Variants in CCDC43 observed in about 807,000 individuals in gnomAD.
CCDC43 encodes coiled-coil domain-containing protein 43.
In CCDC43, 20 loss-of-function variants were observed where a neutral mutation model predicts 33.3. The ratio of observed to expected loss-of-function variants is 0.60; its 90% confidence interval spans 0.42 to 0.87. The LOEUF (loss-of-function observed/expected upper bound fraction) is 0.87, where lower values mean the gene tolerates loss of function less well. CCDC43 is among the 40% of genes least tolerant of loss of function. The pLI is 0.00. For synonymous variants in CCDC43, 104 were observed against 106.5 expected (o/e 0.98, Z 0.14); for missense variants, 248 against 269.9 (o/e 0.92, Z 0.57).
chr17:44,687,183 C>G (rs1972249999), intron 1 of CCDC43, among the ~76,000 whole-genome samples: 1 of 151,796 alleles, frequency 6.6e-6, no homozygotes, highest in African/African-American at 2.4e-5. Flanking sequence ...TGGCTCACGC[C>G]TATAGCCCCA....
intron 1 of CCDC43, among the ~76,000 whole-genome samples, chr17:44,684,707 A>G (rs1383520942): frequency 2.6e-5 from 4 of 151,848 alleles, no homozygotes; most frequent in African/African-American, 9.7e-5. Flanking sequence ...AAAAAAAAAA[A>G]GAAAGAAAGA....
intron 1 of CCDC43, chr17:44,687,975 G>A (rs1972265450): frequency 6.6e-6 from 1 of 152,160 alleles, no homozygotes; most frequent in African/African-American, 2.4e-5. Context: ...AGCTGCACTA[G>A]TGTTATATTT....
intron 4 of CCDC43, among the ~76,000 whole-genome samples, 175 bp from the exon 5 acceptor site, chr17:44,679,218 GC>G (rs1972121558): frequency 6.6e-6 from 1 of 151,742 alleles, no homozygotes; most frequent in African/African-American, 2.4e-5. Context: ...AAATCCTAAA[GC>G]TATATTACAA....
chr17:44,685,598 T>C (rs1319938144), intron 1 of CCDC43, among the ~76,000 whole-genome samples: 4 of 152,192 alleles, frequency 2.6e-5, no homozygotes. Context: ...CCTACCCTAC[T>C]TGTCAAAGAA....
At chr17:44,683,816 C>T (rs1972195931) in intron 2 of CCDC43, 56 bp downstream of exon 2, 1 of 1,187,828 alleles carries the variant, frequency 8.4e-7, no homozygotes, top group Non-Finnish European at 1.3e-6. Context: ...AACAGCTATA[C>T]AGTCAAGGCT....
intron 2 of CCDC43, 132 bp from the exon 3 acceptor site, chr17:44,682,270 G>T: frequency 9.3e-7 from 1 of 1,071,418 alleles, no homozygotes; most frequent in Non-Finnish European, 1.4e-6. Flanking sequence ...GCAGTTCAAA[G>T]GACATGGCTC....
Position 44,679,006 on chromosome 17 carries a change from AT to A in CCDC43, c.524del (p.Asn175MetfsTer30), listed in dbSNP as rs1357978642. 6.2e-7 allele frequency: 1 copy of A among 1,613,716 alleles called. No homozygotes were observed. Among genetic ancestry groups the A allele is most frequent in the Non-Finnish European group, 8.5e-7 (1 of 1,179,870 alleles). On this transcript the variant is annotated frameshift_variant, in exon 5 of 5. Transcript: ENST00000315286. LOFTEE classifies it high-confidence loss of function. ...GTGAGTCTCGCTCCAGTTTTCGGGC[AT>A]TAAGGACATCTTCCACATTGGTGTT... ...FRNTNVEDVL[N>X]ARKLERDSLR... is the part of the protein sequence containing the mutation.
In CCDC43 at chr17:44,689,691, G is replaced by A. The variant is rs751171178; in HGVS notation, c.63C>T (p.Gly21=). The A allele has an allele frequency of 3.1e-6, 5 of 1,608,366 alleles. No individual in the cohort carries two copies. In the South Asian group the frequency reaches 5.5e-5, roughly 18 times the overall value. ...APGEGDGGGG[G]FGSWLDGRLE... ...ACCGTCCGTCCAGCCAGGAGCCAAA[G>A]CCGCCGCCTCCGCCATCGCCTTCGC... The change falls in exon 1 of 5, where the codon GGC becomes GGT. Residue 21 remains glycine, a synonymous_variant. Coordinates refer to ENST00000315286, the MANE Select transcript of CCDC43 (RefSeq NM_144609.3).
At chr17:44,684,390 A>AT (rs555180979) in intron 1 of CCDC43, among the ~76,000 whole-genome samples, 53 of 152,226 alleles carry the variant, frequency 3.5e-4, no homozygotes, top group Non-Finnish European at 6.5e-4. Flanking sequence ...CATATTTCTC[A>AT]TTTTTTTGGT....
intron 4 of CCDC43, 138 bp from the exon 5 acceptor site, chr17:44,679,181 C>A (rs375396201): frequency 2.3e-4 from 118 of 523,214 alleles, no homozygotes; most frequent in African/African-American, 2.1e-3. Flanking sequence ...AAAAAAAACC[C>A]TTATGTTTAT....
rs2144684726 is a variant in CCDC43 at position 44,678,607 on chromosome 17, AT to A, written c.*248del. The A allele has an allele frequency of 1.1e-5, 4 of 366,280 alleles. No individual in the cohort carries two copies. The highest frequency in any genetic ancestry group is 2.1e-5 in the African/African-American group (1 of 48,210). 22.7% of individuals were successfully genotyped at this position (366,280 alleles called of 1,614,324 possible). A position where few individuals can be genotyped will look rare whatever the true frequency, so the allele number is the denominator to read the frequency against. On this transcript the variant is annotated 3_prime_UTR_variant, in exon 5 of 5. Transcript: ENST00000315286. ...GCCAAAAGGAGCACAGGACTTGAGT[AT>A]TAAAATATAAAGGTGGCCCCCATTC...
intron 1 of CCDC43, 92 bp downstream of exon 1, chr17:44,689,458 C>G: frequency 6.4e-7 from 1 of 1,552,136 alleles, no homozygotes; most frequent in East Asian, 2.3e-5. Context: ...CACTGAGCCT[C>G]TGGGATACCC....
In CCDC43 at chr17:44,678,977, C is replaced by T. The variant is rs375219641; in HGVS notation, c.554G>A (p.Arg185Gln). The change falls in exon 5 of 5, where the codon CGG becomes CAG. Residue 185 changes from arginine (R) to glutamine (Q), a missense_variant. Physicochemically the swap from Arg to Gln is conservative, Grantham distance 43. Transcript: ENST00000315286. ...TTCCTTCTTCCTTTGGGATTCATCC[C>T]GAAGTGAGTCTCGCTCCAGTTTTCG... Reference protein sequence around the residue: ...NARKLERDSLRDESQRKKEQD... With the variant: ...NARKLERDSLQDESQRKKEQD... 6 of 1,613,624 alleles carry T rather than the reference C, an allele frequency of 3.7e-6. No individual in the cohort carries two copies. The highest frequency in any genetic ancestry group is 1.7e-5 in the Admixed American group (1 of 59,970).
At chr17:44,680,199 G>A (rs1012215879) in intron 4 of CCDC43, among the ~76,000 whole-genome samples, 17 of 151,974 alleles carry the variant, frequency 1.1e-4, no homozygotes, top group African/African-American at 3.9e-4. Flanking sequence ...TGTTGCCCAG[G>A]CTGGTCTCAA....
At chr17:44,688,154 C>T (rs1012310051) in intron 1 of CCDC43, 4 of 151,950 alleles carry the variant, frequency 2.6e-5, no homozygotes, top group African/African-American at 7.3e-5. Context: ...TATATTTATA[C>T]TAATTTTTTT....
intron 1 of CCDC43, among the ~76,000 whole-genome samples, chr17:44,688,515 C>G (rs1972275171): frequency 6.6e-6 from 1 of 152,084 alleles, no homozygotes; most frequent in African/African-American, 2.4e-5. Flanking sequence ...AACAAAGAAC[C>G]CATTTTTCTA....
chr17:44,678,904 G>A lies in CCDC43; in HGVS notation c.627C>T (p.Arg209=). 1 of 1,611,952 alleles carries A rather than the reference G, an allele frequency of 6.2e-7. No homozygotes were observed. Among genetic ancestry groups the A allele is most frequent in the Non-Finnish European group, 8.5e-7 (1 of 1,179,198 alleles). The part of the protein sequence containing the change: ...RERDKLAKQE[R]KEKEKKRTQR... ...GTGTCCTTTTTTTTTCCTTTTCCTT[G>A]CGCTCCTGCTTGGCTAGTTTGTCTC... Residue 209 remains arginine (R), a synonymous_variant, in exon 5 of 5, where the codon CGC becomes CGT. Coordinates refer to ENST00000315286, the MANE Select transcript of CCDC43 (RefSeq NM_144609.3).
chr17:44,677,612 T>TA lies in CCDC43; in HGVS notation c.*1243dup, dbSNP rs1166277217. Reference sequence around the variant, plus strand: ...TTTGTTAATCTCATAGTTAATGGTATAAAACAGAGATTGGCAAACCTTTCC... The same window carrying TA: ...TTTGTTAATCTCATAGTTAATGGTATAAAAACAGAGATTGGCAAACCTTTCC... On this transcript the variant is annotated 3_prime_UTR_variant, in exon 5 of 5. Transcript: ENST00000315286. 6.6e-6 allele frequency: 1 copy of TA among 152,148 alleles called. No individual in the cohort carries two copies. The highest frequency in any genetic ancestry group is 6.5e-5 in the Admixed American group (1 of 15,272). 9.4% of individuals were successfully genotyped at this position (152,148 alleles called of 1,614,324 possible). A position where few individuals can be genotyped will look rare whatever the true frequency, so the allele number is the denominator to read the frequency against.
At chr17:44,683,072 A>G (rs1224667432) in intron 2 of CCDC43, among the ~76,000 whole-genome samples, 1 of 152,182 alleles carries the variant, frequency 6.6e-6, no homozygotes, top group African/African-American at 2.4e-5. Context: ...CCAACAGTGT[A>G]CAGAGTTCAG....
Sources: gnomAD v4.1 joint callset for allele counts (sites outside exome capture counted in the v4.1 genomes callset) on GRCh38, gnomAD v4.1.1 for gene constraint, MANE v1.5 for transcripts, NCBI Gene and HGNC (gene_info 2026-07-23, HGNC 2026-07-21) for gene names.